ATP2B2: variants seen among roughly 807,000 people sequenced by gnomAD.
ATP2B2 encodes ATPase plasma membrane Ca2+ transporting 2, also known as plasma membrane calcium-transporting ATPase 2.
ATP2B2 carries 15 observed loss-of-function variants against 120.0 expected under a neutral mutation model. That is an observed-to-expected ratio of 0.12 (90% CI 0.08 to 0.19). The LOEUF is 0.19. ATP2B2 is among the 10% of genes least tolerant of loss of function. The pLI is 1.00. For synonymous variants in ATP2B2, 694 were observed against 700.3 expected (o/e 0.99, Z 0.14); for missense variants, 1,045 against 1,719.8 (o/e 0.61, Z 6.94).
intron 1 of ATP2B2, among the ~76,000 whole-genome samples, chr3:10,475,967 C>T (rs1232335007): frequency 2.0e-5 from 3 of 152,182 alleles, no homozygotes; most frequent in Admixed American, 2.0e-4. Flanking sequence ...CATCCTCCCA[C>T]TCAGATCAGC....
chr3:10,344,664 G>C (rs991734611), intron 18 of ATP2B2, among the ~76,000 whole-genome samples: 4 of 152,198 alleles, frequency 2.6e-5, no homozygotes, highest in African/African-American at 7.2e-5. Flanking sequence ...GGAGTATCAG[G>C]AGACTGCAAG....
chr3:10,624,252 T>A (rs1476762090), intron 1 of ATP2B2, among the ~76,000 whole-genome samples: 6 of 152,234 alleles, frequency 3.9e-5, no homozygotes, highest in Non-Finnish European at 8.8e-5. Flanking sequence ...GGTACCTTCC[T>A]GCTCTGTCAT....
At chr3:10,520,857 C>T (rs76927105) in intron 3 of ATP2B2, among the ~76,000 whole-genome samples, 2,326 of 151,448 alleles carry the variant, frequency 0.015, 34 homozygotes, top group Admixed American at 0.036. Context: ...TACGTGGCTT[C>T]GGCAGGCCAC....
intron 3 of ATP2B2, among the ~76,000 whole-genome samples, chr3:10,520,426 T>C (rs1333005205): frequency 6.6e-6 from 1 of 152,148 alleles, no homozygotes; most frequent in Non-Finnish European, 1.5e-5. Context: ...CCTAAATGAA[T>C]GCAGAAGAAG....
chr3:10,700,132 C>A lies in ATP2B2; in HGVS notation c.-460+7783G>T, dbSNP rs151322668. Among the ~76,000 whole-genome samples, 77 of 152,208 alleles carry A rather than the reference C, an allele frequency of 5.1e-4. No homozygotes were observed. The East Asian group carries it at 0.012, about 24-fold the overall frequency. On this transcript the variant is annotated intron_variant, in intron 1 of 21. Transcript: ENST00000646379. ...AGACAGGATTGGAGAGTGTGCTATA[C>A]TTCTGATGACCTGGATCCCCCTCCA...
chr3:10,681,035 T>TC (rs930422580), intron 1 of ATP2B2, among the ~76,000 whole-genome samples: 1 of 152,096 alleles, frequency 6.6e-6, no homozygotes, highest in African/African-American at 2.4e-5. Flanking sequence ...CTCCTTCCTC[T>TC]CCCCTGCTTT....
chr3:10,484,301 G>C (rs1160277232), intron 1 of ATP2B2, among the ~76,000 whole-genome samples: 2 of 152,118 alleles, frequency 1.3e-5, no homozygotes, highest in African/African-American at 4.8e-5. Flanking sequence ...AGCTCACTGA[G>C]GGGTGAACAC....
At chr3:10,388,081 C>T in intron 6 of ATP2B2, 196 bp downstream of exon 6, 1 of 719,356 alleles carries the variant, frequency 1.4e-6, no homozygotes, top group Non-Finnish European at 2.3e-6. Context: ...AAGACAGAGA[C>T]TGGGACAAGA....
At chr3:10,362,086 G>A (rs2060916502) in intron 12 of ATP2B2, among the ~76,000 whole-genome samples, 1 of 152,230 alleles carries the variant, frequency 6.6e-6, no homozygotes, top group African/African-American at 2.4e-5. Context: ...CTTCAGGGGT[G>A]CTGAAAGACA....
chr3:10,583,206 C>T (rs1305918289), intron 2 of ATP2B2, among the ~76,000 whole-genome samples: 1 of 152,228 alleles, frequency 6.6e-6, no homozygotes, highest in Non-Finnish European at 1.5e-5. Flanking sequence ...TATCTTGGCT[C>T]TGACACCTAG....
rs115097386 is a variant in ATP2B2 at position 10,344,354 on chromosome 3, G to A, written c.2703+1030C>T. On this transcript the variant is annotated intron_variant, in intron 18 of 22. Coordinates refer to ENST00000360273, the MANE Select transcript of ATP2B2 (RefSeq NM_001001331.4). ...AGGGAGTGTCTCATCCACAGGCCAG[G>A]AAAGAGGGCCCTTCTGAGCAAAAGG... 3.9e-3 allele frequency among the ~76,000 whole-genome samples: 601 copies of A among 152,282 alleles called. 4 individuals carry two copies. The highest frequency in any genetic ancestry group is 0.013 in the African/African-American group (537 of 41,562).
rs1265760996 is a variant in ATP2B2 at position 10,593,335 on chromosome 3, G to A, written c.-415+26582C>T. On this transcript the variant is annotated intron_variant, in intron 2 of 21. Coordinates refer to the ATP2B2 transcript ENST00000646379. ...TCTTAGGGTGGTTAAGTCATTCACA[G>A]CCATGAGAAAACAGAGCTGGAATTT... 4.6e-5 allele frequency among the ~76,000 whole-genome samples: 7 copies of A among 152,170 alleles called. No individual in the cohort carries two copies. In the East Asian group the frequency reaches 1.3e-3, roughly 29 times the overall value.
chr3:10,664,328 C>T lies in ATP2B2; in HGVS notation c.-460+43587G>A, dbSNP rs1318211062. Among the ~76,000 whole-genome samples the T allele has an allele frequency of 2.0e-5, 3 of 152,266 alleles. No individual in the cohort carries two copies. In the East Asian group the frequency reaches 5.8e-4, roughly 29 times the overall value. On this transcript the variant is annotated intron_variant, in intron 1 of 21. Transcript: ENST00000646379. Reference sequence around the variant, plus strand: ...AGCGGCTGAGAGGATTTGGTTTATCCTTAACAACAGAGTAGCTTCTGGGGT... The same window carrying T: ...AGCGGCTGAGAGGATTTGGTTTATCTTTAACAACAGAGTAGCTTCTGGGGT...
At chr3:10,409,557 C>T (rs962943763) in intron 3 of ATP2B2, among the ~76,000 whole-genome samples, 5 of 152,158 alleles carry the variant, frequency 3.3e-5, no homozygotes, top group Middle Eastern at 3.4e-3. Flanking sequence ...TCTGTTTGAC[C>T]GCATCCTGTG....
chr3:10,435,312 A>C (rs2063446397), intron 2 of ATP2B2, among the ~76,000 whole-genome samples: 1 of 152,156 alleles, frequency 6.6e-6, no homozygotes, highest in Non-Finnish European at 1.5e-5. Context: ...GTCCCAAATA[A>C]GGAGGAAGCA....
chr3:10,635,115 T>C lies in ATP2B2; in HGVS notation c.-459-15154A>G, dbSNP rs2069985332. On this transcript the variant is annotated intron_variant, in intron 1 of 21. Coordinates refer to the ATP2B2 transcript ENST00000646379. This position sits in a 1 kb window ranked among gnomAD's most constrained non-coding sequence, Gnocchi z 4.3. The stretch of plus-strand genomic sequence containing the variant: ...TCACTGGCCTCTCTGTGGGAGACAA[T>C]ACGGAGCAGGAGGTACTGTGAGGAT... Among the ~76,000 whole-genome samples, 1 of 151,754 alleles carries C rather than the reference T, an allele frequency of 6.6e-6. No homozygotes were observed. The highest frequency in any genetic ancestry group is 1.5e-5 in the Non-Finnish European group (1 of 67,942).
intron 12 of ATP2B2, among the ~76,000 whole-genome samples, chr3:10,368,329 TC>T (rs2061126581): frequency 6.6e-6 from 1 of 152,058 alleles, no homozygotes; most frequent in Non-Finnish European, 1.5e-5. Flanking sequence ...TGGGACTGGA[TC>T]CAAGGCCAAC....
At chr3:10,675,339 TG>T (rs1353539892) in intron 1 of ATP2B2, among the ~76,000 whole-genome samples, 1 of 152,240 alleles carries the variant, frequency 6.6e-6, no homozygotes, top group Non-Finnish European at 1.5e-5. Context: ...ATGGAATCGT[TG>T]ACCACGTTCC....
At chr3:10,464,569 T>C (rs1382280774) in intron 1 of ATP2B2, among the ~76,000 whole-genome samples, 1 of 152,128 alleles carries the variant, frequency 6.6e-6, no homozygotes, top group East Asian at 1.9e-4. Context: ...TACCACCTTA[T>C]CCATCTCAGG....
Sources: allele counts gnomAD v4.1 joint callset (sites outside exome capture counted in the v4.1 genomes callset), GRCh38; gene constraint gnomAD v4.1.1; non-coding constraint Gnocchi (gnomAD v3.1); transcripts MANE v1.5; gene names NCBI Gene and HGNC (gene_info 2026-07-23, HGNC 2026-07-21).